Variants in CHCHD6 observed in about 807,000 individuals in gnomAD.
The protein encoded by CHCHD6 is coiled-coil-helix-coiled-coil-helix domain containing 6, also known as MICOS complex subunit MIC25.
Under a neutral mutation model 32.3 loss-of-function variants are expected in CHCHD6, and 28 were observed. The observed-to-expected ratio is 0.87, with a 90% CI of 0.64 to 1.19. The LOEUF (loss-of-function observed/expected upper bound fraction) is 1.19. Ranked by LOEUF, CHCHD6 falls within the 50% of genes most tolerant of loss-of-function variation. The probability of loss-of-function intolerance (pLI) is 0.00; values close to 1 mark genes in which losing one functional copy is unlikely to be tolerated. For missense variants in CHCHD6, 333 were observed against 307.0 expected (o/e 1.08, Z -0.63); for synonymous variants, 122 against 117.5 (o/e 1.04, Z -0.25).
rs1576596328 is a variant in CHCHD6, at chr3:126,914,767, T to C, written c.566+17T>C. ...CACAATAAAGTAAGAATTTGTTTAT[T>C]ATTCTTTGTAAACTTGGCCCACAAT... On this transcript the variant is annotated intron_variant, in intron 6 of 7. Coordinates refer to ENST00000290913, the MANE Select transcript of CHCHD6 (RefSeq NM_032343.3). 1 of 1,457,292 alleles carries C rather than the reference T, an allele frequency of 6.9e-7. No individual in the cohort carries two copies. The highest frequency in any genetic ancestry group is 2.3e-5 in the East Asian group (1 of 44,178). 90.3% of individuals were successfully genotyped at this position (1,457,292 alleles called of 1,614,324 possible). A position where few individuals can be genotyped will look rare whatever the true frequency, so the allele number is the denominator to read the frequency against.
At chr3:126,918,082 A>G (rs2078196385) in intron 6 of CHCHD6, among the ~76,000 whole-genome samples, 1 of 152,230 alleles carries the variant, frequency 6.6e-6, no homozygotes, top group African/African-American at 2.4e-5. Context: ...TGATATATAA[A>G]TTGAGCTTAT....
At chr3:126,795,923 G>A (rs1173669437) in intron 4 of CHCHD6, among the ~76,000 whole-genome samples, 2 of 152,194 alleles carry the variant, frequency 1.3e-5, no homozygotes, top group Admixed American at 1.3e-4. Flanking sequence ...ATGGGTATGT[G>A]TTGGAGGTAA....
intron 4 of CHCHD6, among the ~76,000 whole-genome samples, chr3:126,825,478 G>A (rs1386749888): frequency 6.6e-6 from 1 of 151,778 alleles, no homozygotes; most frequent in African/African-American, 2.4e-5. Flanking sequence ...ACTTTTTTTG[G>A]TCTGCTATCA....
chr3:126,889,986 G>GCT (rs5852492), intron 5 of CHCHD6, among the ~76,000 whole-genome samples: 64,768 of 152,032 alleles, frequency 0.43, 15,102 homozygotes, highest in African/African-American at 0.63. Context: ...GCGTTGACGG[G>GCT]CTTTGTCCAG....
At chr3:126,858,243 G>A (rs1457378417) in intron 5 of CHCHD6, among the ~76,000 whole-genome samples, 1 of 137,754 alleles carries the variant, frequency 7.3e-6, no homozygotes, top group Non-Finnish European at 1.5e-5. Context: ...TAGCAACTGG[G>A]ATAACAGTTA....
At chr3:126,914,579 C>A in intron 5 of CHCHD6, 101 bp from the exon 6 acceptor site, 1 of 764,740 alleles carries the variant, frequency 1.3e-6, no homozygotes, top group South Asian at 1.5e-5. Context: ...TGATGCCCGT[C>A]AAGAAATTAG....
At chr3:126,846,459 A>T (rs2107549270) in intron 4 of CHCHD6, among the ~76,000 whole-genome samples, 1 of 152,348 alleles carries the variant, frequency 6.6e-6, no homozygotes, top group Admixed American at 6.5e-5. Flanking sequence ...AAGACTATGT[A>T]TGTGGCTTTG....
At chr3:126,914,622 T>G in intron 5 of CHCHD6, 58 bp from the exon 6 acceptor site, 1 of 944,520 alleles carries the variant, frequency 1.1e-6, no homozygotes, top group Non-Finnish European at 1.8e-6. Context: ...TTGCATCCCA[T>G]TAGAGAGCAG....
At chr3:126,941,289 A>C (rs2107603202) in intron 6 of CHCHD6, among the ~76,000 whole-genome samples, 1 of 152,326 alleles carries the variant, frequency 6.6e-6, no homozygotes, top group African/African-American at 2.4e-5. Context: ...CACTGATATA[A>C]AATTTCACCT....
chr3:126,931,214 G>A (rs546931980), intron 6 of CHCHD6, among the ~76,000 whole-genome samples: 1 of 152,368 alleles, frequency 6.6e-6, no homozygotes, highest in Admixed American at 6.5e-5. Context: ...CCTTCCCATG[G>A]AAAGAGTTGA....
At chr3:126,822,117 C>G (rs994807117) in intron 4 of CHCHD6, among the ~76,000 whole-genome samples, 1 of 152,008 alleles carries the variant, frequency 6.6e-6, no homozygotes, top group Non-Finnish European at 1.5e-5. Context: ...TTGTAAAACA[C>G]GTATCTATAA....
At chr3:126,958,656 C>A (rs748860514) in intron 7 of CHCHD6, among the ~76,000 whole-genome samples, 1 of 152,230 alleles carries the variant, frequency 6.6e-6, no homozygotes, top group Non-Finnish European at 1.5e-5. Flanking sequence ...CCCTTCATGG[C>A]CAGAACACAG....
intron 6 of CHCHD6, among the ~76,000 whole-genome samples, chr3:126,938,920 G>A (rs902481303): frequency 2.6e-5 from 4 of 152,218 alleles, no homozygotes; most frequent in Non-Finnish European, 4.4e-5. Flanking sequence ...GTTGGCCAGC[G>A]CCCATTTGCT....
intron 4 of CHCHD6, among the ~76,000 whole-genome samples, chr3:126,765,357 C>T (rs975154528): frequency 1.8e-4 from 28 of 152,182 alleles, no homozygotes; most frequent in African/African-American, 6.5e-4. Flanking sequence ...CACCTCATTA[C>T]TCACTCAGCA....
intron 1 of CHCHD6, among the ~76,000 whole-genome samples, chr3:126,714,959 C>A (rs1218236755): frequency 6.6e-6 from 1 of 152,194 alleles, no homozygotes. Context: ...CCCCATTGCG[C>A]CTTCCCAAAT....
intron 4 of CHCHD6, among the ~76,000 whole-genome samples, chr3:126,778,206 T>C (rs1937744809): frequency 1.3e-5 from 2 of 152,262 alleles, no homozygotes; most frequent in Non-Finnish European, 2.9e-5. Flanking sequence ...CTTTTTTAGC[T>C]ACTATGAATA....
intron 6 of CHCHD6, among the ~76,000 whole-genome samples, chr3:126,943,657 TC>T (rs1340153454): frequency 1.3e-5 from 2 of 152,120 alleles, no homozygotes; most frequent in Non-Finnish European, 2.9e-5. Flanking sequence ...TCCTCTGGTG[TC>T]CGTGATGGGG....
chr3:126,825,788 T>TA (rs1940364954), intron 4 of CHCHD6, among the ~76,000 whole-genome samples: 1 of 152,214 alleles, frequency 6.6e-6, no homozygotes, highest in East Asian at 1.9e-4. Flanking sequence ...TAGTTAAAGG[T>TA]GTATCTCTTG....
intron 2 of CHCHD6, among the ~76,000 whole-genome samples, chr3:126,729,825 G>T (rs997837024): frequency 2.6e-5 from 4 of 152,188 alleles, no homozygotes; most frequent in African/African-American, 9.7e-5. Context: ...GAACCCTGTG[G>T]TGGAGGGAGG....
Sources: gnomAD v4.1 joint callset for allele counts (sites outside exome capture counted in the v4.1 genomes callset) on GRCh38, gnomAD v4.1.1 for gene constraint, MANE v1.5 for transcripts, NCBI Gene and HGNC (gene_info 2026-07-23, HGNC 2026-07-21) for gene names.